Variants in SEC16B observed in about 807,000 individuals in gnomAD.
SEC16B encodes the protein SEC16 homolog B, endoplasmic reticulum export factor, also known as protein transport protein Sec16B.
In SEC16B, 115 loss-of-function variants were observed where a neutral mutation model predicts 141.8. That is an observed-to-expected ratio of 0.81 (90% CI 0.70 to 0.95). The LOEUF is 0.95. Ranked by LOEUF, SEC16B falls within the 40% of genes least tolerant of loss-of-function variation. SEC16B has a pLI of 0.00. For synonymous variants in SEC16B, 493 were observed against 492.5 expected (o/e 1.00, Z -0.01); for missense variants, 1,291 against 1,312.3 (o/e 0.98, Z 0.25).
At position 177,932,479 on chromosome 1, in the gene SEC16B, G is replaced by A. The variant is rs758982225; in HGVS notation, c.3012+11C>T. The stretch of plus-strand genomic sequence containing the variant: ...TGGGGTCCGAGGCTCCAGCCCAGGG[G>A]GGCCGCTTACCTCTGGTCCAGACAA... On this transcript the variant is annotated intron_variant, in intron 24 of 25. Transcript: ENST00000308284. 14 of 1,524,590 alleles carry A rather than the reference G, an allele frequency of 9.2e-6. No individual in the cohort carries two copies. The highest frequency in any genetic ancestry group is 6.3e-5 in the South Asian group (5 of 79,374). The allele number at this position is 1,524,590 out of a possible 1,614,324, so 94.4% of individuals were successfully genotyped here. A position where few individuals can be genotyped will look rare whatever the true frequency, so the allele number is the denominator to read the frequency against.
chr1:177,976,369 T>C (rs1414496642), intron 1 of SEC16B, among the ~76,000 whole-genome samples: 1 of 152,166 alleles, frequency 6.6e-6, no homozygotes, highest in African/African-American at 2.4e-5. Context: ...TCTGACCCCA[T>C]GTCAAGCTCC....
At chr1:177,980,927 G>A (rs187018036) in intron 1 of SEC16B, among the ~76,000 whole-genome samples, 1 of 152,152 alleles carries the variant, frequency 6.6e-6, no homozygotes, top group African/African-American at 2.4e-5. Flanking sequence ...GGAAGACCTG[G>A]TACATTTGCA....
upstream of SEC16B, among the ~76,000 whole-genome samples, chr1:177,974,016 A>C (rs953087182): frequency 6.6e-6 from 1 of 152,154 alleles, no homozygotes; most frequent in Non-Finnish European, 1.5e-5. Context: ...ATATATGTTT[A>C]TAAAATATAA....
At chr1:177,960,530 G>T in intron 7 of SEC16B, 127 bp from the exon 8 acceptor site, 1 of 757,302 alleles carries the variant, frequency 1.3e-6, no homozygotes, top group South Asian at 1.7e-5. Flanking sequence ...GGAGAAAGCA[G>T]AAAGAAAAAA....
At chr1:177,978,747 C>CAATAA (rs1654285320) in intron 1 of SEC16B, among the ~76,000 whole-genome samples, 2 of 126,402 alleles carry the variant, frequency 1.6e-5, no homozygotes, top group African/African-American at 2.9e-5. Context: ...AAATAAATAG[C>CAATAA]ATAGCAGAAA....
chr1:177,973,485 T>C (rs2102019136), upstream of SEC16B, among the ~76,000 whole-genome samples: 1 of 152,348 alleles, frequency 6.6e-6, no homozygotes, highest in South Asian at 2.1e-4. Context: ...TTAACTGACA[T>C]TATTTTTAAT....
chr1:177,960,144 T>C (rs1652942317), intron 8 of SEC16B, 198 bp downstream of exon 8: 1 of 574,512 alleles, frequency 1.7e-6, no homozygotes, highest in Non-Finnish European at 3.2e-6. Flanking sequence ...TTTCTTTCTG[T>C]CCTTCAACTA....
At chr1:177,980,925 T>C (rs1165354266) in intron 1 of SEC16B, among the ~76,000 whole-genome samples, 1 of 152,078 alleles carries the variant, frequency 6.6e-6, no homozygotes, top group Non-Finnish European at 1.5e-5. Context: ...AAGGAAGACC[T>C]GGTACATTTG....
chr1:177,980,048 G>A (rs1236992672), intron 1 of SEC16B, among the ~76,000 whole-genome samples: 1 of 152,186 alleles, frequency 6.6e-6, no homozygotes, highest in Admixed American at 6.5e-5. Flanking sequence ...ACTATTTTCT[G>A]GGAGCATCCC....
Position 177,929,019 on chromosome 1 carries a change from A to T in SEC16B, c.*839T>A, listed in dbSNP as rs1321307534. On this transcript the variant is annotated 3_prime_UTR_variant, in exon 26 of 26. Coordinates refer to ENST00000308284, the MANE Select transcript of SEC16B (RefSeq NM_033127.4). ...CTCTCACTCCAGTGACCCTCTGAAC[A>T]TCAATTTGCAAAGGCCTGAGGTAGA... The T allele has an allele frequency of 6.6e-6, 1 of 152,594 alleles. No homozygotes were observed. The highest frequency in any genetic ancestry group is 1.5e-5 in the Non-Finnish European group (1 of 68,028). 9.5% of individuals were successfully genotyped at this position (152,594 alleles called of 1,614,324 possible).
chr1:177,947,700 G>A, intron 13 of SEC16B, 125 bp downstream of exon 13: 2 of 598,352 alleles, frequency 3.3e-6, no homozygotes, highest in South Asian at 3.7e-5. Context: ...GACGGGGAGG[G>A]GAGGTGAGGA....
chr1:177,944,420 C>T (rs578242159), intron 15 of SEC16B, 141 bp downstream of exon 15: 2 of 664,536 alleles, frequency 3.0e-6, no homozygotes, highest in African/African-American at 1.8e-5. Context: ...AAATCCTACA[C>T]CCTCCCACGC....
rs367666193 is a variant in SEC16B at position 177,958,354 on chromosome 1, C to T, written c.1143G>A (p.Val381=). 4 of 1,588,100 alleles carry T rather than the reference C, an allele frequency of 2.5e-6. No individual in the cohort carries two copies. Among genetic ancestry groups the T allele is most frequent in the Non-Finnish European group, 3.4e-6 (4 of 1,166,816 alleles). ...VLLCRQNGSM[V]GSDIAELLMQ... is the part of the protein sequence containing the mutation. ...TTAGCAGCTCAGCGATGTCAGACCC[C>T]ACCATGGACTGTAAGGCAAAGAGGA... The change falls in exon 10 of 26, where the codon GTG becomes GTA. Residue 381 remains valine, a synonymous_variant. Coordinates refer to ENST00000308284, the MANE Select transcript of SEC16B (RefSeq NM_033127.4).
At chr1:177,945,984 G>T in intron 14 of SEC16B, 1 of 294,112 alleles carries the variant, frequency 3.4e-6, no homozygotes, top group Non-Finnish European at 6.3e-6. Flanking sequence ...GGATGCTAGG[G>T]CCCCAAAGAG....
intron 14 of SEC16B, 72 bp downstream of exon 14, chr1:177,946,348 T>A (rs1467292897): frequency 8.8e-7 from 1 of 1,139,318 alleles, no homozygotes; most frequent in Non-Finnish European, 1.3e-6. Context: ...AATGGATCCA[T>A]AAAACCCAAC....
intron 13 of SEC16B, 24 bp downstream of exon 13, chr1:177,947,801 A>C (rs1651845140): frequency 6.9e-7 from 1 of 1,449,508 alleles, no homozygotes; most frequent in Non-Finnish European, 9.4e-7. Flanking sequence ...AGGGGAGCGG[A>C]GGGGAAATGC....
chr1:177,958,471 A>G (rs1191868738), intron 9 of SEC16B, 109 bp from the exon 10 acceptor site: 1 of 806,350 alleles, frequency 1.2e-6, no homozygotes, highest in East Asian at 2.7e-5. Context: ...CATGGAAGCC[A>G]ATTATGCAAA....
At chr1:177,947,687 C>G (rs1279639538) in intron 13 of SEC16B, 138 bp downstream of exon 13, 1 of 486,786 alleles carries the variant, frequency 2.1e-6, no homozygotes, top group Non-Finnish European at 3.7e-6. Flanking sequence ...TAAAGCTGAC[C>G]TGGACGGGGA....
chr1:177,967,952 G>A lies in SEC16B; in HGVS notation c.30C>T (p.Pro10=). Residue 10 remains proline, a synonymous_variant, in exon 2 of 26, where the codon CCC becomes CCT. Transcript: ENST00000308284. MELWAPQRL[P]QTRGKATAPS... is the part of the protein sequence containing the mutation. ...GTGCTGTGGCCTTCCCTCGTGTCTG[G>A]GGCAGCCTCTGGGGAGCCCAAAGTT... 1 of 1,611,870 alleles carries A rather than the reference G, an allele frequency of 6.2e-7. No homozygotes were observed. Among genetic ancestry groups the A allele is most frequent in the Non-Finnish European group, 8.5e-7 (1 of 1,178,178 alleles).
Sources: gnomAD v4.1 joint callset for allele counts (sites outside exome capture counted in the v4.1 genomes callset) on GRCh38, gnomAD v4.1.1 for gene constraint, MANE v1.5 for transcripts, NCBI Gene and HGNC (gene_info 2026-07-23, HGNC 2026-07-21) for gene names.